GTF2IRD1: variants seen among roughly 807,000 people sequenced by gnomAD.
The protein encoded by GTF2IRD1 is general transcription factor II-I repeat domain-containing protein 1.
In GTF2IRD1, 26 loss-of-function variants were observed where a neutral mutation model predicts 113.2. The ratio of observed to expected loss-of-function variants is 0.23; its 90% CI spans 0.17 to 0.32. The LOEUF is 0.32. Among genes scored for constraint, GTF2IRD1 ranks in the 10% least tolerant of loss-of-function variants. GTF2IRD1 has a pLI of 1.00. For missense variants in GTF2IRD1, 864 were observed against 1,280.8 expected, an observed-to-expected ratio of 0.67 and a Z score of 4.97; for synonymous variants, 484 against 529.1, an observed-to-expected ratio of 0.91 and a Z score of 1.17.
rs1796398181 is a variant in GTF2IRD1 at position 74,508,068 on chromosome 7, C to G, written c.-6-7C>G. On this transcript the variant is annotated splice_region_variant and splice_polypyrimidine_tract_variant and intron_variant, in intron 1 of 26. Transcript: ENST00000424337. ...GCCCACCACCACTGCCTCCTCCCTC[C>G]CCACAGGCGACCATGGCCTTGCTGG... 1 of 1,602,410 alleles carries G rather than the reference C, an allele frequency of 6.2e-7. No homozygotes were observed. Among genetic ancestry groups the G allele is most frequent in the African/African-American group, 1.3e-5 (1 of 74,876 alleles).
chr7:74,588,543 C>A (rs1678439160), intron 22 of GTF2IRD1, among the ~76,000 whole-genome samples: 1 of 151,798 alleles, frequency 6.6e-6, no homozygotes, highest in Non-Finnish European at 1.5e-5. Context: ...TGTTTGTTTT[C>A]ATTTTTGTTT....
chr7:74,528,331 C>G (rs2130414452), intron 8 of GTF2IRD1, among the ~76,000 whole-genome samples: 1 of 152,272 alleles, frequency 6.6e-6, no homozygotes, highest in African/African-American at 2.4e-5. Flanking sequence ...CAGCATCAGC[C>G]TGCCAAGTAG....
chr7:74,530,803 C>T (rs1329595703), intron 9 of GTF2IRD1, among the ~76,000 whole-genome samples: 1 of 152,078 alleles, frequency 6.6e-6, no homozygotes, highest in Non-Finnish European at 1.5e-5. Flanking sequence ...AAGACATTTC[C>T]GACCTGGGCG....
At chr7:74,595,087 G>C (rs201526368) in intron 25 of GTF2IRD1, 36 bp downstream of exon 25, 2 of 1,491,718 alleles carry the variant, frequency 1.3e-6, no homozygotes, top group African/African-American at 2.8e-5. Flanking sequence ...CTTCTGCTCC[G>C]TGGGGACTAG....
intron 1 of GTF2IRD1, among the ~76,000 whole-genome samples, chr7:74,482,057 A>G (rs1554334731): frequency 6.6e-6 from 1 of 152,092 alleles, no homozygotes; most frequent in Non-Finnish European, 1.5e-5. Flanking sequence ...TAGTGACAGC[A>G]TGGGGTGAGG....
At chr7:74,536,863 C>T (rs1259365649) in intron 11 of GTF2IRD1, among the ~76,000 whole-genome samples, 3 of 152,092 alleles carry the variant, frequency 2.0e-5, no homozygotes, top group Non-Finnish European at 4.4e-5. Context: ...GTAATCCCAG[C>T]GCTTTGGGAG....
chr7:74,571,095 C>T (rs1231320591), intron 22 of GTF2IRD1: 1 of 984,882 alleles, frequency 1.0e-6, no homozygotes, highest in African/African-American at 1.7e-5. Context: ...GGGAAGGCAG[C>T]GCCCCACCTC....
intron 22 of GTF2IRD1, among the ~76,000 whole-genome samples, chr7:74,575,199 T>C (rs984179017): frequency 5.2e-4 from 79 of 152,186 alleles, no homozygotes; most frequent in African/African-American, 1.6e-3. Flanking sequence ...TTGTATTTAT[T>C]TTTAGGAGAT....
intron 1 of GTF2IRD1, among the ~76,000 whole-genome samples, chr7:74,505,423 C>T (rs1554340768): frequency 2.0e-5 from 3 of 152,252 alleles, no homozygotes; most frequent in Non-Finnish European, 2.9e-5. Context: ...GGCTGTGGCT[C>T]GGGACAGGGG....
Position 74,518,276 on chromosome 7 carries a change from ATGGCCATCC to A in GTF2IRD1, c.563_571del (p.Ala188_Leu190del). ...AGCCGAGTATGACCCCAAGGCCCTC[ATGGCCATCC>A]TGGAACACAGCCACCGCATCCGCTT... On this transcript the variant is annotated inframe_deletion, in exon 5 of 27. Transcript: ENST00000424337. 6.2e-7 allele frequency: 1 copy of A among 1,608,874 alleles called. No homozygotes were observed. The highest frequency in any genetic ancestry group is 8.5e-7 in the Non-Finnish European group (1 of 1,176,782).
intron 1 of GTF2IRD1, among the ~76,000 whole-genome samples, chr7:74,481,976 G>A (rs2117121166): frequency 6.6e-6 from 1 of 152,188 alleles, no homozygotes; most frequent in African/African-American, 2.4e-5. Context: ...GCTAGGCTGG[G>A]AAGAGCTCGA....
rs782306237 is a variant in GTF2IRD1, at chr7:74,519,672, T to A, written c.869T>A (p.Met290Lys). ...APSDLGLSRP[M>K]PEPKATGAQD... is the part of the protein sequence containing the mutation. ...AGCGACCTGGGCCTGAGTCGGCCCA[T>A]GCCAGAGCCCAAGGCCACCGGTGCC... Residue 290 changes from methionine (M) to lysine (K), a missense_variant, in exon 6 of 27, where the codon ATG (methionine) becomes AAG (lysine). Transcript: ENST00000424337. The A allele has an allele frequency of 6.2e-7, 1 of 1,600,672 alleles. No homozygotes were observed. The highest frequency in any genetic ancestry group is 1.3e-5 in the African/African-American group (1 of 74,442).
chr7:74,521,821 T>C (rs1797318274), intron 7 of GTF2IRD1, among the ~76,000 whole-genome samples: 2 of 152,058 alleles, frequency 1.3e-5, no homozygotes, highest in Admixed American at 1.3e-4. Context: ...AAACATCAAG[T>C]GTTTATTACC....
intron 4 of GTF2IRD1, among the ~76,000 whole-genome samples, chr7:74,516,043 C>T (rs138161698): frequency 8.5e-5 from 13 of 152,350 alleles, no homozygotes; most frequent in African/African-American, 3.1e-4. Context: ...CCCTCCACAC[C>T]TTCTTCTCCC....
intron 22 of GTF2IRD1, among the ~76,000 whole-genome samples, chr7:74,564,778 G>A (rs1800192355): frequency 2.0e-5 from 3 of 152,120 alleles, no homozygotes; most frequent in Admixed American, 1.3e-4. Flanking sequence ...AGCCCAGAAT[G>A]TCTTTAATAT....
intron 16 of GTF2IRD1, among the ~76,000 whole-genome samples, 158 bp downstream of exon 16, chr7:74,545,967 C>T (rs587678814): frequency 2.0e-5 from 3 of 152,092 alleles, no homozygotes; most frequent in Non-Finnish European, 2.9e-5. Context: ...TGGGACCCAT[C>T]ATGAGGATGG....
At chr7:74,570,673 T>C (rs186734703) in intron 22 of GTF2IRD1, among the ~76,000 whole-genome samples, 145 of 152,220 alleles carry the variant, frequency 9.5e-4, no homozygotes, top group Middle Eastern at 6.8e-3. Context: ...AATTCTAGAA[T>C]TGTTCTTGAA....
chr7:74,549,897 G>A lies in GTF2IRD1; in HGVS notation c.1916+2611G>A, dbSNP rs181893698. Among the ~76,000 whole-genome samples, 1,326 of 152,204 alleles carry A rather than the reference G, an allele frequency of 8.7e-3. 19 individuals are homozygous for A. The highest frequency in any genetic ancestry group is 0.014 in the Non-Finnish European group (969 of 68,008). ...CTAAAAAATACAAAATTAGCCGGGC[G>A]TGGTAGCAGGTGCCTGTAATCCCAG... is the stretch of plus-strand genomic sequence containing the variant. On this transcript the variant is annotated intron_variant, in intron 17 of 26. Transcript: ENST00000424337.
intron 1 of GTF2IRD1, among the ~76,000 whole-genome samples, chr7:74,470,860 A>G (rs553655798): frequency 9.9e-5 from 15 of 152,022 alleles, no homozygotes; most frequent in Non-Finnish European, 1.8e-4. Flanking sequence ...CTGGAGTGCA[A>G]TGGCGTGATC....
Sources: allele counts gnomAD v4.1 joint callset (sites outside exome capture counted in the v4.1 genomes callset), GRCh38; gene constraint gnomAD v4.1.1; transcripts MANE v1.5; gene names NCBI Gene and HGNC (gene_info 2026-07-23, HGNC 2026-07-21).